The following CSMD1 variants were observed in gnomAD, a reference collection of about 807,000 sequenced individuals.
The protein encoded by CSMD1 is CUB and sushi domain-containing protein 1.
Under a neutral mutation model 417.5 loss-of-function variants are expected in CSMD1, and 213 were observed. The observed-to-expected ratio is 0.51, with a 90% confidence interval of 0.46 to 0.57. The LOEUF (loss-of-function observed/expected upper bound fraction) is 0.57. Ranked by LOEUF, CSMD1 falls within the 20% of genes least tolerant of loss-of-function variation. CSMD1 has a pLI of 0.00. For synonymous variants in CSMD1, 2,862 were observed against 1,736.8 expected, an observed-to-expected ratio of 1.65 and a Z score of -16.11; for missense variants, 6,923 against 4,529.7, an observed-to-expected ratio of 1.53 and a Z score of -15.17.
At chr8:4,785,476 T>C (rs534729025) in intron 1 of CSMD1, among the ~76,000 whole-genome samples, 1 of 152,186 alleles carries the variant, frequency 6.6e-6, no homozygotes, top group South Asian at 2.1e-4. Flanking sequence ...GCTTTGGACC[T>C]CAAGACCAGC....
rs536359004 is a variant in CSMD1 at position 3,108,615 on chromosome 8, G to C, written c.6742C>G (p.Leu2248Val). ...SDFSNGGFFVLNFHAFQLKKC... is the reference protein window; with the variant it reads ...SDFSNGGFFVVNFHAFQLKKC... ...AAAATCAACTGACCGTGGAAATTGA[G>C]GACAAAGAAGCCTCCATTTGAAAAG... The change falls in exon 44 of 70, where the codon CTC (leucine) becomes GTC (valine). Residue 2248 changes from leucine to valine, a missense_variant. Coordinates refer to ENST00000635120, the MANE Select transcript of CSMD1 (RefSeq NM_033225.6). 3 of 1,613,720 alleles carry C rather than the reference G, an allele frequency of 1.9e-6. No homozygotes were observed. Among genetic ancestry groups the C allele is most frequent in the Admixed American group, 1.7e-5 (1 of 59,998 alleles).
At chr8:4,933,654 A>T (rs900664466) in intron 1 of CSMD1, among the ~76,000 whole-genome samples, 1 of 152,180 alleles carries the variant, frequency 6.6e-6, no homozygotes, top group Non-Finnish European at 1.5e-5. Context: ...CTGTCAAATA[A>T]ATGGATAGAT....
intron 2 of CSMD1, among the ~76,000 whole-genome samples, chr8:4,471,299 G>A (rs1248916903): frequency 6.6e-6 from 1 of 152,122 alleles, no homozygotes; most frequent in Non-Finnish European, 1.5e-5. Context: ...AGTCAAACAG[G>A]TTGGTAAAAA....
At chr8:3,814,763 G>A (rs1366762714) in intron 5 of CSMD1, among the ~76,000 whole-genome samples, 1 of 152,104 alleles carries the variant, frequency 6.6e-6, no homozygotes, top group African/African-American at 2.4e-5. Flanking sequence ...CATTTCCAAT[G>A]GACTATTCTG....
rs114251339 is a variant in CSMD1 at position 4,516,322 on chromosome 8, A to C, written c.303-96257T>G. ...CGTGATCTTGGACTTCTCGATTCCAAAATTAAGAAGAAACAGATTTCTGTT... is the reference window on the plus strand; with the variant it reads ...CGTGATCTTGGACTTCTCGATTCCACAATTAAGAAGAAACAGATTTCTGTT... On this transcript the variant is annotated intron_variant, in intron 2 of 69. Coordinates refer to ENST00000635120, the MANE Select transcript of CSMD1 (RefSeq NM_033225.6). Among the ~76,000 whole-genome samples, 1,447 of 152,176 alleles carry C rather than the reference A, an allele frequency of 9.5e-3. 29 individuals carry two copies. The highest frequency in any genetic ancestry group is 0.034 in the African/African-American group (1,403 of 41,522).
intron 3 of CSMD1, among the ~76,000 whole-genome samples, chr8:4,214,760 T>A (rs1800532567): frequency 6.6e-6 from 1 of 152,180 alleles, no homozygotes; most frequent in Admixed American, 6.5e-5. Flanking sequence ...ACATATTTCC[T>A]CTAAATGCTG....
At chr8:4,215,723 T>C (rs1800627319) in intron 3 of CSMD1, among the ~76,000 whole-genome samples, 1 of 152,186 alleles carries the variant, frequency 6.6e-6, no homozygotes, top group African/African-American at 2.4e-5. Context: ...AATGTACATG[T>C]GAATCTTCAT....
At chr8:3,110,927 T>G (rs986463537) in intron 42 of CSMD1, among the ~76,000 whole-genome samples, 1 of 152,246 alleles carries the variant, frequency 6.6e-6, no homozygotes, top group Admixed American at 6.5e-5. Flanking sequence ...ACCCAATTTA[T>G]TTTCATTTTT....
chr8:3,108,122 G>C (rs182963372), intron 44 of CSMD1, among the ~76,000 whole-genome samples: 2 of 152,324 alleles, frequency 1.3e-5, no homozygotes, highest in East Asian at 1.9e-4. Flanking sequence ...TCCATGTGCA[G>C]ATTTGATAAC....
chr8:3,205,959 T>A (rs904142631), intron 30 of CSMD1, among the ~76,000 whole-genome samples: 1 of 151,242 alleles, frequency 6.6e-6, no homozygotes, highest in Admixed American at 6.6e-5. Context: ...AGTTGTCTGT[T>A]CGAAGTCAAT....
intron 5 of CSMD1, among the ~76,000 whole-genome samples, chr8:3,791,224 C>A (rs1372180409): frequency 1.3e-5 from 2 of 152,132 alleles, no homozygotes; most frequent in African/African-American, 4.8e-5. Flanking sequence ...ACTTCCACCA[C>A]CAAAATGCTT....
intron 22 of CSMD1, among the ~76,000 whole-genome samples, chr8:3,344,877 A>T (rs1000358216): frequency 6.6e-6 from 1 of 152,224 alleles, no homozygotes; most frequent in African/African-American, 2.4e-5. Context: ...GGGTAGAATC[A>T]GATACTCTCT....
intron 1 of CSMD1, among the ~76,000 whole-genome samples, chr8:4,803,811 G>C (rs1001393226): frequency 6.6e-6 from 1 of 152,062 alleles, no homozygotes; most frequent in African/African-American, 2.4e-5. Flanking sequence ...CTACATTTGA[G>C]CTCATAGAAT....
intron 51 of CSMD1, among the ~76,000 whole-genome samples, chr8:3,028,884 G>C (rs953302022): frequency 6.6e-6 from 1 of 152,148 alleles, no homozygotes; most frequent in African/African-American, 2.4e-5. Context: ...AGCTTTAACT[G>C]CTTATCTTGT....
chr8:3,760,815 G>A (rs777832012), intron 5 of CSMD1, among the ~76,000 whole-genome samples: 5 of 152,184 alleles, frequency 3.3e-5, no homozygotes, highest in African/African-American at 1.2e-4. Flanking sequence ...TGATGACTCA[G>A]AAGCCAGAAA....
intron 1 of CSMD1, among the ~76,000 whole-genome samples, chr8:4,693,412 T>G (rs1274719262): frequency 6.6e-6 from 1 of 152,266 alleles, no homozygotes; most frequent in Non-Finnish European, 1.5e-5. Flanking sequence ...AGGTGTGTTC[T>G]GGCTGTGTCA....
In CSMD1 at chr8:2,962,489, C is replaced by A; in HGVS notation, c.9605G>T (p.Ser3202Ile). ...ACCAATGCAGGTGGGTTGTATGCCG[C>A]TCCACGTGCCGTCAGCTTGGCAGAC... Reference protein sequence around the residue: ...RRVCQADGTWSGIQPTCIDPA... With the variant: ...RRVCQADGTWIGIQPTCIDPA... Residue 3202 changes from serine to isoleucine, a missense_variant, in exon 61 of 70, where the codon AGC (serine) becomes ATC (isoleucine). Ser to Ile is a moderately radical substitution (Grantham distance 142). Transcript: ENST00000635120. The A allele has an allele frequency of 6.2e-7, 1 of 1,613,882 alleles. No individual in the cohort carries two copies. The highest frequency in any genetic ancestry group is 8.5e-7 in the Non-Finnish European group (1 of 1,179,808).
Position 4,453,983 on chromosome 8 carries a change from G to A in CSMD1, c.303-33918C>T, listed in dbSNP as rs191966054. On this transcript the variant is annotated intron_variant, in intron 2 of 69. Coordinates refer to ENST00000635120, the MANE Select transcript of CSMD1 (RefSeq NM_033225.6). ...ACTACAGGCGCCCGCCACCGCGCCC[G>A]GCTAATTTTTTGTATTTTTTAGTAG... 9.5e-3 allele frequency among the ~76,000 whole-genome samples: 1,438 copies of A among 151,602 alleles called. 62 individuals are homozygous for A. The highest frequency in any genetic ancestry group is 0.071 in the Admixed American group (1,084 of 15,220).
intron 3 of CSMD1, among the ~76,000 whole-genome samples, chr8:4,270,437 C>A (rs1327317303): frequency 6.6e-6 from 1 of 152,136 alleles, no homozygotes; most frequent in African/African-American, 2.4e-5. Context: ...CTGAAACCAT[C>A]TATTTTCAAA....
Sources: gnomAD v4.1 joint callset for allele counts (sites outside exome capture counted in the v4.1 genomes callset) on GRCh38, gnomAD v4.1.1 for gene constraint, MANE v1.5 for transcripts, NCBI Gene and HGNC (gene_info 2026-07-23, HGNC 2026-07-21) for gene names.